The following DLAT variants were observed in gnomAD, a reference collection of about 807,000 sequenced individuals.
DLAT encodes the protein dihydrolipoyllysine-residue acetyltransferase component of pyruvate dehydrogenase complex, mitochondrial.
A neutral mutation model predicts 68.0 loss-of-function variants in DLAT; 43 were observed. The observed-to-expected ratio is 0.63, with a 90% CI of 0.50 to 0.81. The LOEUF is 0.81. Ranked by LOEUF, DLAT falls within the 40% of genes least tolerant of loss-of-function variation. The probability of loss-of-function intolerance (pLI) is 0.00; values close to 1 mark genes in which losing one functional copy is unlikely to be tolerated. For missense variants in DLAT, 745 were observed against 815.4 expected (o/e 0.91, Z 1.05); for synonymous variants, 265 against 288.6 (o/e 0.92, Z 0.83).
At chr11:112,055,091 G>T (rs904920676) in intron 11 of DLAT, among the ~76,000 whole-genome samples, 1 of 151,904 alleles carries the variant, frequency 6.6e-6, no homozygotes, top group Non-Finnish European at 1.5e-5. Context: ...TCTTTTGGAG[G>T]GCCACCATTC....
Position 112,040,120 on chromosome 11 carries a change from C to T in DLAT, c.1129+723C>T, listed in dbSNP as rs587638258. Among the ~76,000 whole-genome samples, 6 of 152,212 alleles carry T rather than the reference C, an allele frequency of 3.9e-5. No homozygotes were observed. In the South Asian group the frequency reaches 1.2e-3, roughly 32 times the overall value. On this transcript the variant is annotated intron_variant, in intron 7 of 13. Coordinates refer to ENST00000280346, the MANE Select transcript of DLAT (RefSeq NM_001931.5). ...GTATCTAGCATATAAGTACTCAATA[C>T]ATGTTAGTTGTCATTCATATTGATA...
intron 4 of DLAT, chr11:112,030,475 A>C: frequency 3.8e-6 from 1 of 265,086 alleles, no homozygotes; most frequent in Non-Finnish European, 7.5e-6. Context: ...TGTTGAATGA[A>C]AGTCCCCAGT....
intron 10 of DLAT, among the ~76,000 whole-genome samples, chr11:112,048,888 T>C (rs1320531612): frequency 6.6e-6 from 1 of 151,984 alleles, no homozygotes; most frequent in African/African-American, 2.4e-5. Flanking sequence ...TTAATGTCAG[T>C]ACCACAGTCT....
chr11:112,056,117 C>T (rs782711776), intron 11 of DLAT, among the ~76,000 whole-genome samples: 4 of 151,208 alleles, frequency 2.6e-5, no homozygotes, highest in Admixed American at 6.6e-5. Context: ...CTGCCTGCCT[C>T]GGCCTCCCAA....
chr11:112,060,819 A>T (rs1298938323), intron 12 of DLAT, among the ~76,000 whole-genome samples: 1 of 152,188 alleles, frequency 6.6e-6, no homozygotes, highest in Non-Finnish European at 1.5e-5. Context: ...AAATTCAATC[A>T]TATATCCAAA....
intron 4 of DLAT, chr11:112,032,593 G>C (rs1555180044): frequency 2.0e-5 from 3 of 151,958 alleles, no homozygotes; most frequent in Non-Finnish European, 4.4e-5. Context: ...TTGCTGAAGC[G>C]AGCACAGAAC....
In DLAT at chr11:112,064,298, C is replaced by A. The variant is rs1055297621; in HGVS notation, c.*1763C>A. On this transcript the variant is annotated 3_prime_UTR_variant, in exon 14 of 14. Coordinates refer to ENST00000280346, the MANE Select transcript of DLAT (RefSeq NM_001931.5). ...AATTAATCTGAGCTATAATCTAAAT[C>A]GATTCAGTCTCTTACCAGAACTGAA... The A allele has an allele frequency of 3.7e-5, 47 of 1,254,182 alleles. No homozygotes were observed. Among genetic ancestry groups the A allele is most frequent in the Non-Finnish European group, 4.6e-5 (43 of 926,290 alleles). 77.7% of individuals were successfully genotyped at this position (1,254,182 alleles called of 1,614,324 possible). A position where few individuals can be genotyped will look rare whatever the true frequency, so the allele number is the denominator to read the frequency against.
At chr11:112,049,377 T>C (rs1161548918) in intron 10 of DLAT, among the ~76,000 whole-genome samples, 2 of 152,220 alleles carry the variant, frequency 1.3e-5, no homozygotes, top group Non-Finnish European at 2.9e-5. Flanking sequence ...TAGATGCCCC[T>C]GTATTAGTTA....
chr11:112,030,960 C>T (rs1335699966), intron 4 of DLAT, among the ~76,000 whole-genome samples: 5 of 152,166 alleles, frequency 3.3e-5, no homozygotes, highest in Admixed American at 6.6e-5. Flanking sequence ...GTAAGACTGA[C>T]TTAATTTTCC....
chr11:112,059,791 A>ATTTTTT (rs1864434062), intron 11 of DLAT, 112 bp from the exon 12 acceptor site: 3 of 851,238 alleles, frequency 3.5e-6, no homozygotes, highest in Non-Finnish European at 5.3e-6. Context: ...CTGAACAATA[A>ATTTTTT]CACACATTGG....
chr11:112,030,245 C>A, intron 4 of DLAT: 2 of 575,718 alleles, frequency 3.5e-6, no homozygotes, highest in South Asian at 1.4e-5. Flanking sequence ...ACCCAAAGTT[C>A]TCGGTCGTCT....
chr11:112,060,453 C>G (rs1358759940), intron 12 of DLAT, among the ~76,000 whole-genome samples: 1 of 151,800 alleles, frequency 6.6e-6, no homozygotes, highest in Non-Finnish European at 1.5e-5. Flanking sequence ...AGCCACCACG[C>G]CCAGCGTAAT....
At position 112,025,725 on chromosome 11, in the gene DLAT, T is replaced by C. The variant is rs782202863; in HGVS notation, c.253T>C (p.Tyr85His). Residue 85 changes from tyrosine to histidine, a missense_variant, in exon 1 of 14, where the codon TAT (tyrosine) becomes CAT (histidine). Transcript: ENST00000280346. ...LQLLGSPGRR[Y>H]YSLPPHQKVP... ...GCTTTTGGGGTCGCCCGGCCGCCGC[T>C]ATTACAGTCTTCCCCCGCATCAGAA... The C allele has an allele frequency of 2.5e-6, 4 of 1,612,984 alleles. No homozygotes were observed. The highest frequency in any genetic ancestry group is 3.4e-6 in the Non-Finnish European group (4 of 1,179,874).
chr11:112,062,394 A>C lies in DLAT; in HGVS notation c.1815-12A>C, dbSNP rs1555183355. 6.2e-7 allele frequency: 1 copy of C among 1,612,178 alleles called. No homozygotes were observed. Among genetic ancestry groups the C allele is most frequent in the South Asian group, 1.1e-5 (1 of 91,002 alleles). On this transcript the variant is annotated splice_polypyrimidine_tract_variant and intron_variant, in intron 13 of 13. Coordinates refer to ENST00000280346, the MANE Select transcript of DLAT (RefSeq NM_001931.5). ...CTTTCAGAATATCTAAAATGTCTTT[A>C]TCTTTTTCTAGGTTTGATGTGGCTA...
At chr11:112,029,799 C>CCT in intron 4 of DLAT, 1 of 523,698 alleles carries the variant, frequency 1.9e-6, no homozygotes, top group East Asian at 4.8e-5. Flanking sequence ...AAGAACACCA[C>CCT]CAAGAAGGGA....
Position 112,036,189 on chromosome 11 carries a change from GTGTGTGTGTGTGTTTTTTTTT to G in DLAT, c.788-1082_788-1062del, listed in dbSNP as rs1566617683. Among the ~76,000 whole-genome samples, 34 of 73,326 alleles carry G rather than the reference GTGTGTGTGTGTGTTTTTTTTT, an allele frequency of 4.6e-4. No homozygotes were observed. In the East Asian group the frequency reaches 8.0e-3, roughly 17 times the overall value. The allele number at this position is 73,326 out of a possible 152,430, so 48.1% of individuals were successfully genotyped here. On this transcript the variant is annotated intron_variant, in intron 5 of 13. Coordinates refer to ENST00000280346, the MANE Select transcript of DLAT (RefSeq NM_001931.5). ...TATATGTGTGTGTGTGTGTGTGTGT[GTGTGTGTGTGTGTTTTTTTTT>G]TTTTTTTTTTTTTTTTTTTTGAGAC...
chr11:112,043,373 C>T, intron 7 of DLAT, 93 bp from the exon 8 acceptor site: 1 of 1,200,418 alleles, frequency 8.3e-7, no homozygotes, highest in South Asian at 1.2e-5. Flanking sequence ...TGGTAGTAAA[C>T]CCTTAGGAGC....
In DLAT at chr11:112,028,878, C is replaced by T. The variant is rs1862239870; in HGVS notation, c.593C>T (p.Ala198Val). 1.9e-6 allele frequency: 3 copies of T among 1,614,174 alleles called. No homozygotes were observed. The highest frequency in any genetic ancestry group is 2.5e-6 in the Non-Finnish European group (3 of 1,179,992). Residue 198 changes from alanine to valine, a missense_variant, in exon 4 of 14, where the codon GCT becomes GTT. Transcript: ENST00000280346. The stretch of plus-strand genomic sequence containing the variant: ...CAAGCGGCCCCAGCACCAACCCCTG[C>T]TGCCACTGCTTCGCCACCTACACCT... ...TPQAAPAPTPAATASPPTPSA... is the reference protein window; with the variant it reads ...TPQAAPAPTPVATASPPTPSA...
At chr11:112,033,263 T>C (rs1862512036) in intron 4 of DLAT, 141 bp from the exon 5 acceptor site, 3 of 966,720 alleles carry the variant, frequency 3.1e-6, no homozygotes, top group Non-Finnish European at 3.2e-6. Flanking sequence ...TGGGAAGCTA[T>C]TGAGGTGTGA....
Sources: allele counts gnomAD v4.1 joint callset (sites outside exome capture counted in the v4.1 genomes callset), GRCh38; gene constraint gnomAD v4.1.1; transcripts MANE v1.5; gene names NCBI Gene and HGNC (gene_info 2026-07-23, HGNC 2026-07-21).